The following ANKH variants were observed in gnomAD, a reference collection of about 807,000 sequenced individuals.
ANKH encodes mineralization regulator ANKH.
In ANKH, 15 loss-of-function variants were observed where a neutral mutation model predicts 49.0. The ratio of observed to expected loss-of-function variants is 0.31; its 90% CI spans 0.20 to 0.47. The LOEUF is 0.47. ANKH is among the 20% of genes least tolerant of loss of function. The pLI, the probability that ANKH is intolerant of heterozygous loss-of-function variation, is 1.00. For synonymous variants in ANKH, 273 were observed against 260.0 expected (o/e 1.05, Z -0.48); for missense variants, 429 against 652.0 (o/e 0.66, Z 3.72).
intron 1 of ANKH, among the ~76,000 whole-genome samples, chr5:14,842,355 C>A (rs944525393): frequency 6.6e-6 from 1 of 152,170 alleles, no homozygotes; most frequent in African/African-American, 2.4e-5. Context: ...GCATACCTGA[C>A]GGTCAAGGAC....
intron 1 of ANKH, among the ~76,000 whole-genome samples, chr5:14,794,768 CA>C (rs1740319364): frequency 6.6e-6 from 1 of 152,206 alleles, no homozygotes; most frequent in African/African-American, 2.4e-5. Context: ...ACTGGTAAAC[CA>C]ACATGTGGAA....
rs1320758980 is a variant in ANKH at position 14,745,887 on chromosome 5, A to T, written c.898T>A (p.Tyr300Asn). 6.2e-7 allele frequency: 1 copy of T among 1,614,246 alleles called. No individual in the cohort carries two copies. Residue 300 changes from tyrosine (Y) to asparagine (N), a missense_variant, in exon 7 of 12, where the codon TAT becomes AAT. Physicochemically the swap from Tyr to Asn is moderately radical, Grantham distance 143. Transcript: ENST00000284268. The surrounding 1 kb of genome is among the most constrained non-coding windows in gnomAD (Gnocchi z 4.7). ...GTTCTCACCTTGTCGAAAGCAGGAT[A>T]CACAGCACGGATTTCCGTCAACCAG... ...YGWLTEIRAV[Y>N]PAFDKNNPSN...
chr5:14,812,496 A>C (rs1005659369), intron 1 of ANKH, among the ~76,000 whole-genome samples: 2 of 152,210 alleles, frequency 1.3e-5, no homozygotes, highest in Non-Finnish European at 2.9e-5. Context: ...TACCTGTAAC[A>C]AACAGTTCTA....
intron 1 of ANKH, among the ~76,000 whole-genome samples, chr5:14,816,373 A>T (rs1741037173): frequency 6.6e-6 from 1 of 152,108 alleles, no homozygotes; most frequent in Non-Finnish European, 1.5e-5. Flanking sequence ...TTTCTTCTAA[A>T]CTTCAAATTG....
rs369168140 is a variant in ANKH at position 14,769,149 on chromosome 5, C to T, written c.139G>A (p.Glu47Lys). 37 of 1,613,978 alleles carry T rather than the reference C, an allele frequency of 2.3e-5. No individual in the cohort carries two copies. Among genetic ancestry groups the T allele is most frequent in the South Asian group, 8.8e-5 (8 of 91,066 alleles). ...GCCAGCCCGTAGCTGGCCAGCATCT[C>T]GACTGCATCCTCCTTGACAGCAGCA... Reference protein sequence around the residue: ...GIAAVKEDAVEMLASYGLAYS... With the variant: ...GIAAVKEDAVKMLASYGLAYS... Residue 47 changes from glutamate to lysine, a missense_variant, in exon 2 of 12, where the codon GAG becomes AAG. This residue lies in a region of ANKH where 378 missense variants were observed against 615.3 expected (regional missense o/e 0.61). Transcript: ENST00000284268.
chr5:14,710,076 A>G lies in ANKH; in HGVS notation c.*1121T>C, dbSNP rs1737105816. On this transcript the variant is annotated 3_prime_UTR_variant, in exon 12 of 12. Coordinates refer to ENST00000284268, the MANE Select transcript of ANKH (RefSeq NM_054027.6). ...AATGCGTTATTTCAGGGAGGACCAC[A>G]TAGTGACTCTGGTATCGTTATAAAA... 6.6e-6 allele frequency: 1 copy of G among 152,222 alleles called. No homozygotes were observed. The highest frequency in any genetic ancestry group is 2.4e-5 in the African/African-American group (1 of 41,444). 9.4% of individuals were successfully genotyped at this position (152,222 alleles called of 1,614,324 possible). A position where few individuals can be genotyped will look rare whatever the true frequency, so the allele number is the denominator to read the frequency against.
intron 1 of ANKH, among the ~76,000 whole-genome samples, chr5:14,815,329 C>T (rs1741002429): frequency 6.6e-6 from 1 of 152,190 alleles, no homozygotes; most frequent in Non-Finnish European, 1.5e-5. Context: ...CAAAACCCCA[C>T]TAATTAACAG....
chr5:14,750,618 C>T (rs756307684), intron 5 of ANKH, among the ~76,000 whole-genome samples: 58 of 152,200 alleles, frequency 3.8e-4, no homozygotes, highest in Non-Finnish European at 2.2e-4. Flanking sequence ...TGTGCTTGGT[C>T]CCCAGGAGGC....
intron 1 of ANKH, among the ~76,000 whole-genome samples, chr5:14,843,234 G>T (rs1000166637): frequency 2.7e-5 from 4 of 149,276 alleles, no homozygotes; most frequent in African/African-American, 9.9e-5. Context: ...AGAGTGCAAT[G>T]GCACAATTTT....
At chr5:14,842,619 C>G (rs1741844753) in intron 1 of ANKH, among the ~76,000 whole-genome samples, 1 of 152,138 alleles carries the variant, frequency 6.6e-6, no homozygotes, top group Admixed American at 6.5e-5. Flanking sequence ...TCATTCCAGA[C>G]CACAGAGTAT....
chr5:14,816,326 A>AAG (rs1561068610), intron 1 of ANKH, among the ~76,000 whole-genome samples: 1 of 152,218 alleles, frequency 6.6e-6, no homozygotes, highest in South Asian at 2.1e-4. Context: ...GCTTTAAGAA[A>AAG]AGAGAGAGAA....
chr5:14,788,724 T>A (rs1258007813), intron 1 of ANKH, among the ~76,000 whole-genome samples: 1 of 152,104 alleles, frequency 6.6e-6, no homozygotes, highest in Non-Finnish European at 1.5e-5. Flanking sequence ...AGAGAAGGAC[T>A]GTCACTGTAA....
intron 7 of ANKH, 145 bp from the exon 8 acceptor site, chr5:14,742,067 A>T: frequency 1.4e-6 from 1 of 696,602 alleles, no homozygotes; most frequent in Non-Finnish European, 2.6e-6. Flanking sequence ...GGCGGCTGTC[A>T]TGTTGAGTGT....
intron 1 of ANKH, among the ~76,000 whole-genome samples, chr5:14,774,450 T>C (rs1270902565): frequency 1.3e-5 from 2 of 152,144 alleles, no homozygotes; most frequent in Non-Finnish European, 2.9e-5. Flanking sequence ...TATTATTTTT[T>C]TCCTCAAGAC....
rs995943291 is a variant in ANKH at position 14,710,364 on chromosome 5, A to G, written c.*833T>C. ...GGCGAGGGAAAAGCAAGCCTTCAGGAAAAGTCATGCGGCAGGGTCTGGAAT... is the reference window on the plus strand; with the variant it reads ...GGCGAGGGAAAAGCAAGCCTTCAGGGAAAGTCATGCGGCAGGGTCTGGAAT... On this transcript the variant is annotated 3_prime_UTR_variant, in exon 12 of 12. Coordinates refer to ENST00000284268, the MANE Select transcript of ANKH (RefSeq NM_054027.6). 5 of 152,274 alleles carry G rather than the reference A, an allele frequency of 3.3e-5. No homozygotes were observed. Among genetic ancestry groups the G allele is most frequent in the African/African-American group, 1.2e-4 (5 of 41,474 alleles). The allele number at this position is 152,274 out of a possible 1,614,324, so 9.4% of individuals were successfully genotyped here.
chr5:14,733,640 A>G (rs771416763), intron 8 of ANKH, among the ~76,000 whole-genome samples: 3 of 152,178 alleles, frequency 2.0e-5, no homozygotes, highest in African/African-American at 7.2e-5. Flanking sequence ...TCATGTAATT[A>G]CCTCTATTTG....
Position 14,706,332 on chromosome 5 carries a change from A to G in ANKH, c.*4865T>C, listed in dbSNP as rs1239486041. ...TGCAAATGAAGCAGAGAAAAACATT[A>G]TCACTAAAATGAAATATTTTAAAAG... is the stretch of plus-strand genomic sequence containing the variant. On this transcript the variant is annotated 3_prime_UTR_variant, in exon 12 of 12. Transcript: ENST00000284268. 6.6e-6 allele frequency: 1 copy of G among 152,218 alleles called. No homozygotes were observed. The highest frequency in any genetic ancestry group is 1.5e-5 in the Non-Finnish European group (1 of 68,034). The allele number at this position is 152,218 out of a possible 1,614,324, so 9.4% of individuals were successfully genotyped here.
intron 1 of ANKH, among the ~76,000 whole-genome samples, chr5:14,862,537 C>T (rs1735527745): frequency 6.6e-6 from 1 of 152,128 alleles, no homozygotes; most frequent in African/African-American, 2.4e-5. Flanking sequence ...CAGACCAGAG[C>T]TCTCCACGTT....
intron 1 of ANKH, among the ~76,000 whole-genome samples, chr5:14,851,069 G>GAC (rs1742109634): frequency 6.6e-6 from 1 of 152,136 alleles, no homozygotes; most frequent in Admixed American, 6.5e-5. Flanking sequence ...ACCTGCCTAT[G>GAC]ACATGGAATC....
Sources: allele counts gnomAD v4.1 joint callset (sites outside exome capture counted in the v4.1 genomes callset), GRCh38; gene constraint gnomAD v4.1.1; regional missense constraint gnomAD v4.1.1; non-coding constraint Gnocchi (gnomAD v3.1); transcripts MANE v1.5; gene names NCBI Gene and HGNC (gene_info 2026-07-23, HGNC 2026-07-21).